The following ADAMTS12 variants were observed in gnomAD, a reference collection of about 807,000 sequenced individuals.
ADAMTS12 encodes ADAM metallopeptidase with thrombospondin type 1 motif 12.
ADAMTS12 carries 118 observed loss-of-function variants against 167.8 expected under a neutral mutation model. The observed-to-expected ratio is 0.70, with a 90% CI of 0.61 to 0.82. The LOEUF (loss-of-function observed/expected upper bound fraction) is 0.82. Among genes scored for constraint, ADAMTS12 ranks in the 40% least tolerant of loss-of-function variants. The pLI, the probability that ADAMTS12 is intolerant of heterozygous loss-of-function variation, is 0.00. For synonymous variants in ADAMTS12, 704 were observed against 716.9 expected, an observed-to-expected ratio of 0.98 and a Z score of 0.29; for missense variants, 1,916 against 1,998.8, an observed-to-expected ratio of 0.96 and a Z score of 0.79.
At chr5:33,854,610 A>G (rs951739187) in intron 2 of ADAMTS12, among the ~76,000 whole-genome samples, 5 of 152,240 alleles carry the variant, frequency 3.3e-5, no homozygotes, top group African/African-American at 1.2e-4. Context: ...TTCTTAAAAC[A>G]TAGGTTCTTC....
intron 2 of ADAMTS12, among the ~76,000 whole-genome samples, chr5:33,781,686 T>C (rs1746133313): frequency 6.7e-6 from 1 of 149,412 alleles, no homozygotes; most frequent in Non-Finnish European, 1.5e-5. Context: ...ACCTGTAAAC[T>C]CTTTTTTTTT....
intron 2 of ADAMTS12, among the ~76,000 whole-genome samples, chr5:33,768,213 G>GC (rs1428631249): frequency 4.6e-5 from 7 of 152,170 alleles, no homozygotes; most frequent in Admixed American, 1.3e-4. Context: ...CTGGCCTCCG[G>GC]TTCCAACTGT....
At chr5:33,808,213 T>C (rs921542425) in intron 2 of ADAMTS12, among the ~76,000 whole-genome samples, 1 of 152,224 alleles carries the variant, frequency 6.6e-6, no homozygotes, top group Non-Finnish European at 1.5e-5. Flanking sequence ...TTTTCTGAAA[T>C]GGCTGTGGGG....
At chr5:33,653,768 T>G (rs564012376) in intron 7 of ADAMTS12, among the ~76,000 whole-genome samples, 114 of 152,288 alleles carry the variant, frequency 7.5e-4, no homozygotes, top group African/African-American at 2.6e-3. Flanking sequence ...TTAATTATGA[T>G]AGGCCTGGGC....
At chr5:33,723,998 C>T (rs1743891205) in intron 3 of ADAMTS12, among the ~76,000 whole-genome samples, 3 of 152,186 alleles carry the variant, frequency 2.0e-5, no homozygotes, top group Admixed American at 2.0e-4. Flanking sequence ...GATTGTGGCT[C>T]TGCCTAGCAT....
At chr5:33,691,175 A>G (rs1374522261) in intron 3 of ADAMTS12, among the ~76,000 whole-genome samples, 1 of 152,220 alleles carries the variant, frequency 6.6e-6, no homozygotes, top group African/African-American at 2.4e-5. Context: ...CATTTCATGT[A>G]GGGTATAAAG....
rs1377942543 is a variant in ADAMTS12 at position 33,624,353 on chromosome 5, T to C, written c.2023-2A>G. 1 of 1,613,914 alleles carries C rather than the reference T, an allele frequency of 6.2e-7. No individual in the cohort carries two copies. The highest frequency in any genetic ancestry group is 1.1e-5 in the South Asian group (1 of 91,050). On this transcript the variant is annotated splice_acceptor_variant, in intron 13 of 23. Coordinates refer to ENST00000504830, the MANE Select transcript of ADAMTS12 (RefSeq NM_030955.4). LOFTEE classifies it high-confidence loss of function. Reference sequence around the variant, plus strand: ...GATCTCATAGTCACAGCCAACCATCTGTGGGGAAGAGAGGTGGAGGATGAA... The same window carrying C: ...GATCTCATAGTCACAGCCAACCATCCGTGGGGAAGAGAGGTGGAGGATGAA...
chr5:33,721,934 G>A (rs959790735), intron 3 of ADAMTS12, among the ~76,000 whole-genome samples: 1 of 152,210 alleles, frequency 6.6e-6, no homozygotes, highest in Non-Finnish European at 1.5e-5. Context: ...AGTGATCTGA[G>A]CCTGAGAGTT....
chr5:33,709,242 T>C (rs1743306737), intron 3 of ADAMTS12, among the ~76,000 whole-genome samples: 1 of 152,176 alleles, frequency 6.6e-6, no homozygotes, highest in African/African-American at 2.4e-5. Context: ...GGAACCCTTT[T>C]ACACTGTTGG....
chr5:33,556,390 C>T (rs910862459), intron 20 of ADAMTS12, among the ~76,000 whole-genome samples: 3 of 152,060 alleles, frequency 2.0e-5, no homozygotes, highest in Admixed American at 6.6e-5. Flanking sequence ...GATTAATGCA[C>T]GAAGAGGAGG....
intron 20 of ADAMTS12, among the ~76,000 whole-genome samples, chr5:33,559,336 G>C (rs914297416): frequency 3.3e-5 from 5 of 152,124 alleles, no homozygotes; most frequent in Non-Finnish European, 5.9e-5. Flanking sequence ...TCACACCTCT[G>C]TACTCTCTAC....
chr5:33,847,781 G>A (rs1561305297), intron 2 of ADAMTS12, among the ~76,000 whole-genome samples: 1 of 152,186 alleles, frequency 6.6e-6, no homozygotes, highest in Non-Finnish European at 1.5e-5. Context: ...AGGCTCAGGT[G>A]AAGCTGTTAC....
intron 2 of ADAMTS12, among the ~76,000 whole-genome samples, chr5:33,869,620 G>C (rs1165001582): frequency 6.6e-6 from 1 of 152,164 alleles, no homozygotes; most frequent in Non-Finnish European, 1.5e-5. Context: ...GATTTTCAAA[G>C]GGGAGGGAGT....
Position 33,588,389 on chromosome 5 carries a change from T to A in ADAMTS12, c.2865+210A>T, listed in dbSNP as rs78071974. On this transcript the variant is annotated intron_variant, in intron 18 of 23. Transcript: ENST00000504830. ...GGTCTACCTCACCCCTGTCAGATAG[T>A]AAGCTGACCATTGAGCAAGTGGGAG... Among the ~76,000 whole-genome samples the A allele has an allele frequency of 1.8e-3, 268 of 152,288 alleles. 11 individuals carry two copies. In the East Asian group the frequency reaches 0.046, roughly 26 times the overall value.
chr5:33,533,457 T>C (rs1744216731), intron 23 of ADAMTS12, among the ~76,000 whole-genome samples: 1 of 152,186 alleles, frequency 6.6e-6, no homozygotes, highest in East Asian at 1.9e-4. Flanking sequence ...AAATGAAGAT[T>C]CTAATTAGGT....
At chr5:33,847,307 G>A (rs915895571) in intron 2 of ADAMTS12, among the ~76,000 whole-genome samples, 1 of 152,152 alleles carries the variant, frequency 6.6e-6, no homozygotes, top group Non-Finnish European at 1.5e-5. Flanking sequence ...CATGTTCACT[G>A]CCCACAGGAC....
At chr5:33,754,668 C>T (rs1579907914) in intron 2 of ADAMTS12, among the ~76,000 whole-genome samples, 2 of 152,258 alleles carry the variant, frequency 1.3e-5, no homozygotes, top group African/African-American at 2.4e-5. Context: ...CATGGTGAAA[C>T]AGCATGGTGA....
rs1744976105 is a variant in ADAMTS12, at chr5:33,546,184, C to T, written c.4321G>A (p.Gly1441Ser). 1 of 1,613,168 alleles carries T rather than the reference C, an allele frequency of 6.2e-7. No homozygotes were observed. The highest frequency in any genetic ancestry group is 8.5e-7 in the Non-Finnish European group (1 of 1,179,738). The part of the protein sequence containing the change: ...PWSQCSRSCG[G>S]GVQERGVFCP... ...AACACTCCTCTCTCCTGAACTCCAC[C>T]TCCACAGGACCTGGAGCACTGATAC... The change falls in exon 22 of 24, where the codon GGT becomes AGT. Residue 1441 changes from glycine to serine, a missense_variant. Physicochemically the swap from Gly to Ser is moderately conservative, Grantham distance 56. Transcript: ENST00000504830.
At chr5:33,760,929 G>A (rs899470656) in intron 2 of ADAMTS12, among the ~76,000 whole-genome samples, 4 of 149,852 alleles carry the variant, frequency 2.7e-5, no homozygotes, top group Non-Finnish European at 5.9e-5. Context: ...GTGCGTATGC[G>A]CTTCTAAGCA....
Sources: gnomAD v4.1 joint callset for allele counts (sites outside exome capture counted in the v4.1 genomes callset) on GRCh38, gnomAD v4.1.1 for gene constraint, MANE v1.5 for transcripts, NCBI Gene and HGNC (gene_info 2026-07-23, HGNC 2026-07-21) for gene names.